CPQ: variants seen among roughly 807,000 people sequenced by gnomAD.
CPQ encodes Ser-Met dipeptidase.
Under a neutral mutation model 45.7 loss-of-function variants are expected in CPQ, and 37 were observed. The ratio of observed to expected loss-of-function variants is 0.81; its 90% CI spans 0.62 to 1.07. CPQ has a LOEUF of 1.07. Ranked by LOEUF, CPQ falls within the 50% of genes least tolerant of loss-of-function variation. The probability of loss-of-function intolerance (pLI) is 0.00; values close to 1 mark genes in which losing one functional copy is unlikely to be tolerated. For missense variants in CPQ, 537 were observed against 572.9 expected, an observed-to-expected ratio of 0.94 and a Z score of 0.64; for synonymous variants, 186 against 205.8, an observed-to-expected ratio of 0.90 and a Z score of 0.82.
At chr8:97,135,978 A>G (rs1316562891) in intron 7 of CPQ, among the ~76,000 whole-genome samples, 1 of 152,172 alleles carries the variant, frequency 6.6e-6, no homozygotes, top group Non-Finnish European at 1.5e-5. Context: ...GTATGTGCCC[A>G]CCCATCTCTT....
intron 4 of CPQ, among the ~76,000 whole-genome samples, chr8:96,891,416 C>G (rs1229755091): frequency 3.3e-5 from 5 of 152,172 alleles, no homozygotes; most frequent in African/African-American, 1.2e-4. Flanking sequence ...GCAAATTAGG[C>G]ACTCAGCAGT....
At chr8:96,958,737 G>C (rs1296358314) in intron 4 of CPQ, among the ~76,000 whole-genome samples, 1 of 152,088 alleles carries the variant, frequency 6.6e-6, no homozygotes, top group Non-Finnish European at 1.5e-5. Context: ...GAATAGGCAT[G>C]ATCTCCTTTT....
At chr8:96,869,968 A>G (rs1424250734) in intron 3 of CPQ, among the ~76,000 whole-genome samples, 2 of 152,076 alleles carry the variant, frequency 1.3e-5, no homozygotes, top group Non-Finnish European at 2.9e-5. Flanking sequence ...TTGAGCTTGT[A>G]GATACTAGGT....
chr8:96,820,786 ATC>A (rs1811292178), intron 2 of CPQ, among the ~76,000 whole-genome samples: 1 of 152,026 alleles, frequency 6.6e-6, no homozygotes, highest in Admixed American at 6.6e-5. Flanking sequence ...GAGTGCAGAT[ATC>A]TCTTTGATGT....
intron 2 of CPQ, among the ~76,000 whole-genome samples, chr8:96,828,126 T>G (rs937352196): frequency 2.4e-4 from 37 of 152,178 alleles, no homozygotes; most frequent in African/African-American, 8.7e-4. Flanking sequence ...AGTGGCCTAC[T>G]ATGCTTTATC....
chr8:96,698,748 C>T (rs1809418674), intron 1 of CPQ, among the ~76,000 whole-genome samples: 2 of 152,116 alleles, frequency 1.3e-5, no homozygotes, highest in South Asian at 4.1e-4. Context: ...CATCACTGAT[C>T]ATCACAATAT....
intron 3 of CPQ, among the ~76,000 whole-genome samples, chr8:96,854,894 A>G (rs1025244763): frequency 2.0e-5 from 3 of 152,190 alleles, no homozygotes; most frequent in Non-Finnish European, 4.4e-5. Context: ...TTCTTCCTCA[A>G]TTGCCACACA....
At chr8:96,863,117 T>C (rs1404210641) in intron 3 of CPQ, among the ~76,000 whole-genome samples, 1 of 152,130 alleles carries the variant, frequency 6.6e-6, no homozygotes, top group Non-Finnish European at 1.5e-5. Flanking sequence ...TACAATCTGA[T>C]TCTAACCAAT....
intron 7 of CPQ, among the ~76,000 whole-genome samples, chr8:97,066,945 TA>T (rs1810648393): frequency 1.1e-5 from 1 of 89,558 alleles, no homozygotes; most frequent in African/African-American, 3.5e-5. Flanking sequence ...TTTTTTTTTT[TA>T]GACAGGGTCT....
Position 96,696,805 on chromosome 8 carries a change from G to C in CPQ, c.-35+51403G>C, listed in dbSNP as rs187193945. On this transcript the variant is annotated intron_variant, in intron 1 of 7. Transcript: ENST00000220763. The stretch of plus-strand genomic sequence containing the variant: ...TCATTCTAGATACAAACAACCACAA[G>C]ATTGAACTATGGAGGAATCCAAAAC... 1.2e-3 allele frequency among the ~76,000 whole-genome samples: 182 copies of C among 152,138 alleles called. 2 individuals carry two copies. The highest frequency in any genetic ancestry group is 0.01 in the Middle Eastern group (3 of 294).
At chr8:96,861,237 T>C (rs1811922796) in intron 3 of CPQ, among the ~76,000 whole-genome samples, 1 of 152,100 alleles carries the variant, frequency 6.6e-6, no homozygotes, top group Non-Finnish European at 1.5e-5. Context: ...ACCAAGAAAC[T>C]CTAGTTCGGA....
At chr8:96,674,303 C>T (rs1178222582) in intron 1 of CPQ, among the ~76,000 whole-genome samples, 1 of 152,122 alleles carries the variant, frequency 6.6e-6, no homozygotes, top group African/African-American at 2.4e-5. Flanking sequence ...GTGGTTAAAA[C>T]ACTTTTGTGG....
At chr8:96,745,547 C>G (rs1255666477) in intron 1 of CPQ, among the ~76,000 whole-genome samples, 1 of 152,100 alleles carries the variant, frequency 6.6e-6, no homozygotes, top group Non-Finnish European at 1.5e-5. Flanking sequence ...TTAATTCATA[C>G]AACAAACCAC....
At position 96,785,161 on chromosome 8, in the gene CPQ, C is replaced by T. The variant is rs760311225; in HGVS notation, c.264C>T (p.Ile88=). The T allele has an allele frequency of 6.2e-7, 1 of 1,613,554 alleles. No homozygotes were observed. Among genetic ancestry groups the T allele is most frequent in the South Asian group, 1.1e-5 (1 of 91,056 alleles). ...LSGSKNLEKA[I]QIMYQNLQQD... is the part of the protein sequence containing the mutation. ...GCTCCAAGAACCTAGAAAAAGCCAT[C>T]CAAATTATGTACCAAAACCTGCAGC... Residue 88 remains isoleucine, a synonymous_variant, in exon 2 of 8, where the codon ATC becomes ATT. Transcript: ENST00000220763.
intron 3 of CPQ, among the ~76,000 whole-genome samples, chr8:96,856,317 CAG>C (rs1811850653): frequency 1.3e-5 from 2 of 152,122 alleles, no homozygotes; most frequent in African/African-American, 4.8e-5. Context: ...GCTGTGGAGA[CAG>C]TGGGCAGTGG....
chr8:97,137,608 C>T lies in CPQ; in HGVS notation c.1256-5412C>T, dbSNP rs577387997. Reference sequence around the variant, plus strand: ...CAGAGTAAACATACAGATTTGTCTCCCCTGGGTGTGCTGTGAGTTCATGGC... The same window carrying T: ...CAGAGTAAACATACAGATTTGTCTCTCCTGGGTGTGCTGTGAGTTCATGGC... On this transcript the variant is annotated intron_variant, in intron 7 of 7. Coordinates refer to ENST00000220763, the MANE Select transcript of CPQ (RefSeq NM_016134.4). Among the ~76,000 whole-genome samples the T allele has an allele frequency of 1.5e-3, 231 of 152,246 alleles. 1 individual carries two copies. Among genetic ancestry groups the T allele is most frequent in the African/African-American group, 5.1e-3 (212 of 41,558 alleles).
At chr8:96,818,715 A>G (rs1337473437) in intron 2 of CPQ, among the ~76,000 whole-genome samples, 1 of 152,054 alleles carries the variant, frequency 6.6e-6, no homozygotes, top group African/African-American at 2.4e-5. Flanking sequence ...AGTTGTTATT[A>G]TTTTGTAAGA....
chr8:96,927,050 T>C (rs1438402661), intron 4 of CPQ, among the ~76,000 whole-genome samples: 1 of 152,252 alleles, frequency 6.6e-6, no homozygotes, highest in African/African-American at 2.4e-5. Flanking sequence ...AGCAGAGCGA[T>C]GACTATTAAA....
At chr8:96,811,432 G>A (rs1291288256) in intron 2 of CPQ, among the ~76,000 whole-genome samples, 1 of 152,024 alleles carries the variant, frequency 6.6e-6, no homozygotes, top group African/African-American at 2.4e-5. Flanking sequence ...ACCTAACTGG[G>A]TGTATAAATT....
Sources: allele counts gnomAD v4.1 joint callset (sites outside exome capture counted in the v4.1 genomes callset), GRCh38; gene constraint gnomAD v4.1.1; transcripts MANE v1.5; gene names NCBI Gene and HGNC (gene_info 2026-07-23, HGNC 2026-07-21).